The following GLIS3 variants were observed in gnomAD, a reference collection of about 807,000 sequenced individuals.
GLIS3 encodes the protein zinc finger protein GLIS3.
In GLIS3, 53 loss-of-function variants were observed where a neutral mutation model predicts 78.6. The ratio of observed to expected loss-of-function variants is 0.67; its 90% CI spans 0.54 to 0.85. The LOEUF (loss-of-function observed/expected upper bound fraction) is 0.85. Ranked by LOEUF, GLIS3 falls within the 40% of genes least tolerant of loss-of-function variation. The pLI is 0.00. For missense variants in GLIS3, 1,703 were observed against 1,231.1 expected (o/e 1.38, Z -5.74); for synonymous variants, 684 against 509.9 (o/e 1.34, Z -4.60).
the GLIS3 span, among the ~76,000 whole-genome samples, chr9:4,489,109 C>T: frequency 5.3e-5 from 8 of 152,090 alleles, no homozygotes; most frequent in Admixed American, 3.3e-4. Context: ...CCTCGTGATC[C>T]GCTCGCCTCG....
At chr9:4,397,176 C>A in the GLIS3 span, among the ~76,000 whole-genome samples, 1 of 140,860 alleles carries the variant, frequency 7.1e-6, no homozygotes, top group African/African-American at 2.9e-5. Context: ...CAGGTGCCCG[C>A]CACTACGCCC....
chr9:4,434,019 C>G, the GLIS3 span, among the ~76,000 whole-genome samples: 1 of 151,304 alleles, frequency 6.6e-6, no homozygotes, highest in African/African-American at 2.4e-5. Context: ...TGGAGTGAAC[C>G]CAGGAGGTGG....
At chr9:4,268,214 A>C (rs899718061) in intron 2 of GLIS3, among the ~76,000 whole-genome samples, 1 of 150,108 alleles carries the variant, frequency 6.7e-6, no homozygotes, top group Non-Finnish European at 1.5e-5. Flanking sequence ...TTCATTTGTA[A>C]AACAGGAGTC....
intron 6 of GLIS3, among the ~76,000 whole-genome samples, chr9:3,916,005 C>A (rs1054998339): frequency 6.6e-6 from 1 of 152,076 alleles, no homozygotes; most frequent in Non-Finnish European, 1.5e-5. Flanking sequence ...TTTAAAAAAT[C>A]AGAAATTAAC....
chr9:4,249,486 T>A (rs977762197), intron 2 of GLIS3, among the ~76,000 whole-genome samples: 5 of 152,230 alleles, frequency 3.3e-5, no homozygotes, highest in Admixed American at 3.3e-4. Context: ...TAGACTTTGC[T>A]GAAGTTGCTT....
At chr9:4,239,178 GA>G (rs1172833101) in intron 2 of GLIS3, among the ~76,000 whole-genome samples, 2 of 96,862 alleles carry the variant, frequency 2.1e-5, no homozygotes. Flanking sequence ...GGGGTGGGGG[GA>G]GGGGGGAGGG....
chr9:3,886,662 C>T (rs1305073659), intron 7 of GLIS3, among the ~76,000 whole-genome samples: 2 of 152,130 alleles, frequency 1.3e-5, no homozygotes, highest in African/African-American at 2.4e-5. Context: ...TTTTGGCCCC[C>T]AATAGTGAAA....
intron 4 of GLIS3, among the ~76,000 whole-genome samples, chr9:3,953,005 G>A (rs1041141725): frequency 8.5e-5 from 13 of 152,178 alleles, no homozygotes; most frequent in African/African-American, 2.9e-4. Flanking sequence ...ACCTAGGTAA[G>A]TTCCTGGTTC....
In GLIS3 at chr9:4,125,867, G is replaced by A. The variant is rs767387681; in HGVS notation, c.463C>T (p.Pro155Ser). The change falls in exon 3 of 11, where the codon CCC (proline) becomes TCC (serine). Residue 155 changes from proline (P) to serine (S), a missense_variant. Transcript: ENST00000381971. Reference sequence around the variant, plus strand: ...AGTCCCAGTCGCTGAACCATCATGGGACTGCTGGTGACCACTAGATTGTTG... The same window carrying A: ...AGTCCCAGTCGCTGAACCATCATGGAACTGCTGGTGACCACTAGATTGTTG... ...SCNNLVVTSS[P>S]MMVQRLGLIS... The A allele has an allele frequency of 1.2e-6, 2 of 1,613,828 alleles. No homozygotes were observed. Among genetic ancestry groups the A allele is most frequent in the African/African-American group, 1.3e-5 (1 of 74,904 alleles).
At chr9:4,158,246 A>C (rs559837408) in intron 2 of GLIS3, among the ~76,000 whole-genome samples, 35 of 152,226 alleles carry the variant, frequency 2.3e-4, no homozygotes, top group African/African-American at 7.9e-4. Flanking sequence ...TCTTTATTGG[A>C]AAGACGAGCT....
At chr9:4,324,646 A>G (rs916073195) in intron 2 of GLIS3, among the ~76,000 whole-genome samples, 7 of 152,236 alleles carry the variant, frequency 4.6e-5, no homozygotes, top group African/African-American at 1.4e-4. Context: ...ACTGAGGTCA[A>G]TCTGAACACA....
intron 7 of GLIS3, among the ~76,000 whole-genome samples, chr9:3,880,561 TACTC>T (rs1174092900): frequency 5.3e-5 from 8 of 152,220 alleles, no homozygotes; most frequent in Admixed American, 5.2e-4. Flanking sequence ...TTTTTGAACT[TACTC>T]TACTAATATC....
chr9:4,304,906 C>T (rs147851384), upstream of GLIS3, among the ~76,000 whole-genome samples: 2 of 152,326 alleles, frequency 1.3e-5, no homozygotes, highest in Non-Finnish European at 2.9e-5. Context: ...TAACCCTATA[C>T]AGCAGGGAAG....
At chr9:4,063,555 G>C (rs13301736) in intron 4 of GLIS3, among the ~76,000 whole-genome samples, 7,256 of 150,154 alleles carry the variant, frequency 0.048, 260 homozygotes, top group Admixed American at 0.093. Context: ...GCAAGTTCAT[G>C]ATTTAAAAAA....
intron 5 of GLIS3, among the ~76,000 whole-genome samples, chr9:3,933,181 C>CTT: frequency 6.9e-6 from 1 of 144,890 alleles, no homozygotes; most frequent in East Asian, 2.0e-4. Flanking sequence ...AGTCTAGCCT[C>CTT]TTTTTTTTTT....
intron 2 of GLIS3, among the ~76,000 whole-genome samples, chr9:4,207,507 G>A (rs111795265): frequency 3.6e-4 from 55 of 152,290 alleles, no homozygotes; most frequent in African/African-American, 1.3e-3. Flanking sequence ...AAATCTGGGA[G>A]GATTCATAAT....
chr9:3,968,067 C>G (rs1588340471), intron 4 of GLIS3, among the ~76,000 whole-genome samples: 1 of 152,168 alleles, frequency 6.6e-6, no homozygotes, highest in East Asian at 1.9e-4. Context: ...TACAATCTGT[C>G]CGAAGGTGTG....
intron 4 of GLIS3, among the ~76,000 whole-genome samples, chr9:4,037,417 A>T (rs563447517): frequency 6.6e-6 from 1 of 152,288 alleles, no homozygotes; most frequent in African/African-American, 2.4e-5. Context: ...TAAATTAGCT[A>T]CATTTTTACC....
At chr9:3,842,942 T>C (rs1465510683) in intron 9 of GLIS3, among the ~76,000 whole-genome samples, 15 of 152,196 alleles carry the variant, frequency 9.9e-5, no homozygotes, top group Admixed American at 9.2e-4. Flanking sequence ...GATGGGGCTC[T>C]TGGGGATAAG....
Sources: gnomAD v4.1 joint callset for allele counts (sites outside exome capture counted in the v4.1 genomes callset) on GRCh38, gnomAD v4.1.1 for gene constraint, MANE v1.5 for transcripts, NCBI Gene and HGNC (gene_info 2026-07-23, HGNC 2026-07-21) for gene names.